The following DLGAP1 variants were observed in gnomAD, a reference collection of about 807,000 sequenced individuals.
The protein encoded by DLGAP1 is disks large-associated protein 1.
In DLGAP1, 11 loss-of-function variants were observed where a neutral mutation model predicts 90.8. The ratio of observed to expected loss-of-function variants is 0.12; its 90% CI spans 0.08 to 0.20. The LOEUF (loss-of-function observed/expected upper bound fraction) is 0.20, where lower values mean the gene tolerates loss of function less well. DLGAP1 is among the 10% of genes least tolerant of loss of function. The probability of loss-of-function intolerance (pLI) is 1.00; values close to 1 mark genes in which losing one functional copy is unlikely to be tolerated. For missense variants in DLGAP1, 1,050 were observed against 1,333.8 expected (o/e 0.79, Z 3.31); for synonymous variants, 558 against 540.7 (o/e 1.03, Z -0.44).
rs2054369641 is a variant in DLGAP1 at position 3,565,434 on chromosome 18, G to A, written c.2057+2056C>T. ...CAGACTGCTGGGATTACAGGCGTGAGCCATTGCCCATGTCCAGGAATATAT... is the reference window on the plus strand; with the variant it reads ...CAGACTGCTGGGATTACAGGCGTGAACCATTGCCCATGTCCAGGAATATAT... On this transcript the variant is annotated intron_variant, in intron 9 of 12. Coordinates refer to ENST00000315677, the MANE Select transcript of DLGAP1 (RefSeq NM_004746.4). The surrounding 1 kb of genome is among the most constrained non-coding windows in gnomAD (Gnocchi z 4.0). Among the ~76,000 whole-genome samples, 2 of 152,110 alleles carry A rather than the reference G, an allele frequency of 1.3e-5. No individual in the cohort carries two copies. The highest frequency in any genetic ancestry group is 2.1e-4 in the South Asian group (1 of 4,828).
chr18:3,950,383 T>C lies in DLGAP1; in HGVS notation c.-73+54733A>G, dbSNP rs543624802. Reference sequence around the variant, plus strand: ...CACCTCTTCATGGAGTCAAATCCCCTCTGGAACAACAGAGTGTGCCAGTAC... The same window carrying C: ...CACCTCTTCATGGAGTCAAATCCCCCCTGGAACAACAGAGTGTGCCAGTAC... On this transcript the variant is annotated intron_variant, in intron 3 of 12. Transcript: ENST00000315677. 9.8e-5 allele frequency among the ~76,000 whole-genome samples: 15 copies of C among 152,318 alleles called. 1 individual carries two copies. In the East Asian group the frequency reaches 2.5e-3, roughly 25 times the overall value.
chr18:3,751,882 TC>T (rs1429734355), intron 5 of DLGAP1, among the ~76,000 whole-genome samples: 266 of 130,672 alleles, frequency 2.0e-3, no homozygotes, highest in African/African-American at 8.2e-3. Context: ...TTCTTCTTCT[TC>T]TTTTTTTTTT....
Position 3,762,796 on chromosome 18 carries a change from T to C in DLGAP1, c.1173-20284A>G, listed in dbSNP as rs1005217897. On this transcript the variant is annotated intron_variant, in intron 5 of 12. Coordinates refer to ENST00000315677, the MANE Select transcript of DLGAP1 (RefSeq NM_004746.4). ...AGGTGACATGACCCTCCACTCCTCT[T>C]ATGTCAACATTTCCAGGCTCTCCAT... Among the ~76,000 whole-genome samples the C allele has an allele frequency of 2.0e-5, 3 of 152,184 alleles. No homozygotes were observed. The South Asian group carries it at 6.2e-4, about 31-fold the overall frequency.
At chr18:4,391,797 A>C (rs966079444) in intron 1 of DLGAP1, among the ~76,000 whole-genome samples, 3 of 152,136 alleles carry the variant, frequency 2.0e-5, no homozygotes, top group Non-Finnish European at 4.4e-5. Context: ...ATGGGAGCCT[A>C]AGGAGTTTCT....
At chr18:3,686,764 G>A (rs1803592518) in intron 7 of DLGAP1, among the ~76,000 whole-genome samples, 1 of 152,212 alleles carries the variant, frequency 6.6e-6, no homozygotes, top group Non-Finnish European at 1.5e-5. Context: ...TAGAACAGAT[G>A]TTCTAGAACA....
At chr18:4,215,399 T>C (rs1474905691) in intron 1 of DLGAP1, among the ~76,000 whole-genome samples, 1 of 152,136 alleles carries the variant, frequency 6.6e-6, no homozygotes, top group African/African-American at 2.4e-5. Flanking sequence ...TCATGAGAAA[T>C]AGTGAAGATA....
intron 7 of DLGAP1, among the ~76,000 whole-genome samples, chr18:3,669,975 A>G (rs1370986832): frequency 1.3e-5 from 2 of 152,176 alleles, no homozygotes; most frequent in Non-Finnish European, 2.9e-5. Context: ...GCCTGTTTGT[A>G]TGCTCCCCTA....
At chr18:4,008,932 C>G (rs767304245) in intron 2 of DLGAP1, among the ~76,000 whole-genome samples, 1 of 151,786 alleles carries the variant, frequency 6.6e-6, no homozygotes, top group Non-Finnish European at 1.5e-5. Context: ...GAAACGGAGT[C>G]TCGCTCCGTC....
chr18:3,882,562 A>G (rs1471115464), intron 3 of DLGAP1, among the ~76,000 whole-genome samples: 1 of 152,110 alleles, frequency 6.6e-6, no homozygotes, highest in Non-Finnish European at 1.5e-5. Flanking sequence ...CCGATGGCAA[A>G]ATGACCAAAG....
At chr18:3,996,549 A>G (rs1439603345) in intron 3 of DLGAP1, among the ~76,000 whole-genome samples, 2 of 152,078 alleles carry the variant, frequency 1.3e-5, no homozygotes, top group African/African-American at 4.8e-5. Flanking sequence ...GCACATTTCA[A>G]ATGTTTAGTA....
rs186626518 is a variant in DLGAP1, at chr18:3,582,973, C to G, written c.1592-725G>C. Among the ~76,000 whole-genome samples, 146 of 151,630 alleles carry G rather than the reference C, an allele frequency of 9.6e-4. 1 individual carries two copies. Among genetic ancestry groups the G allele is most frequent in the Middle Eastern group, 3.4e-3 (1 of 294 alleles). On this transcript the variant is annotated intron_variant, in intron 7 of 12. Transcript: ENST00000315677. ...GTCTCTCTGTGTTGCCCAGGCTGGT[C>G]TTGAACTCTGGGCTCAAGAGATCCT...
At chr18:4,051,923 G>A (rs2075139396) in intron 2 of DLGAP1, among the ~76,000 whole-genome samples, 1 of 152,214 alleles carries the variant, frequency 6.6e-6, no homozygotes, top group Non-Finnish European at 1.5e-5. Context: ...AAATCCAATA[G>A]GTCAGTCATT....
At chr18:4,436,533 C>T (rs1405220479) in intron 1 of DLGAP1, among the ~76,000 whole-genome samples, 1 of 151,928 alleles carries the variant, frequency 6.6e-6, no homozygotes, top group African/African-American at 2.4e-5. Context: ...TAAATGGACA[C>T]TAAAATCATA....
intron 7 of DLGAP1, among the ~76,000 whole-genome samples, chr18:3,598,856 G>A (rs1568273096): frequency 6.6e-6 from 1 of 152,068 alleles, no homozygotes. Flanking sequence ...GTTGTGCAGT[G>A]GCATGATCTT....
intron 7 of DLGAP1, among the ~76,000 whole-genome samples, chr18:3,594,766 A>C (rs1454338002): frequency 6.6e-6 from 1 of 152,154 alleles, no homozygotes; most frequent in African/African-American, 2.4e-5. Flanking sequence ...CATCCTAGTC[A>C]CAGCCAAGGG....
rs113040392 is a variant in DLGAP1, at chr18:3,975,359, A to G, written c.-73+29757T>C. Among the ~76,000 whole-genome samples, 368 of 152,310 alleles carry G rather than the reference A, an allele frequency of 2.4e-3. 1 individual carries two copies. The highest frequency in any genetic ancestry group is 8.3e-3 in the African/African-American group (346 of 41,566). On this transcript the variant is annotated intron_variant, in intron 3 of 12. Transcript: ENST00000315677. Reference sequence around the variant, plus strand: ...ATCAATACATGAAAAGATGTTCAACATCACTAATCATTAGGGCAACGCAAA... The same window carrying G: ...ATCAATACATGAAAAGATGTTCAACGTCACTAATCATTAGGGCAACGCAAA...
chr18:4,123,992 A>G (rs910675035), intron 2 of DLGAP1, among the ~76,000 whole-genome samples: 1 of 152,186 alleles, frequency 6.6e-6, no homozygotes, highest in Non-Finnish European at 1.5e-5. Flanking sequence ...CTCCTAGAGG[A>G]AGCAATATTC....
chr18:4,324,458 T>C (rs1172613825), intron 1 of DLGAP1, among the ~76,000 whole-genome samples: 1 of 151,762 alleles, frequency 6.6e-6, no homozygotes, highest in East Asian at 1.9e-4. Context: ...GCTGGTGCCA[T>C]TCCCATTAAA....
chr18:4,380,209 T>A (rs1015865314), intron 1 of DLGAP1, among the ~76,000 whole-genome samples: 5 of 152,180 alleles, frequency 3.3e-5, no homozygotes, highest in Admixed American at 3.3e-4. Context: ...TCTTGATGAT[T>A]TCCCAAATAT....
Sources: gnomAD v4.1 joint callset for allele counts (sites outside exome capture counted in the v4.1 genomes callset) on GRCh38, gnomAD v4.1.1 for gene constraint, Gnocchi (gnomAD v3.1) non-coding constraint, MANE v1.5 for transcripts, NCBI Gene and HGNC (gene_info 2026-07-23, HGNC 2026-07-21) for gene names.